The following CAMTA1 variants were observed in gnomAD, a reference collection of about 807,000 sequenced individuals.
CAMTA1 encodes calmodulin binding transcription activator 1.
In CAMTA1, 27 loss-of-function variants were observed where a neutral mutation model predicts 170.9. The observed-to-expected ratio is 0.16, with a 90% confidence interval of 0.12 to 0.22. CAMTA1 has a LOEUF of 0.22. CAMTA1 is among the 10% of genes least tolerant of loss of function. CAMTA1 has a pLI of 1.00. For synonymous variants in CAMTA1, 833 were observed against 891.5 expected (o/e 0.93, Z 1.17); for missense variants, 1,619 against 2,217.2 (o/e 0.73, Z 5.42).
chr1:7,200,083 T>C (rs1656368630), intron 4 of CAMTA1, among the ~76,000 whole-genome samples: 2 of 152,356 alleles, frequency 1.3e-5, no homozygotes, highest in South Asian at 4.1e-4. Flanking sequence ...TTTTAAAACA[T>C]ACAAGTACCA....
intron 4 of CAMTA1, among the ~76,000 whole-genome samples, chr1:7,230,439 C>T (rs963227388): frequency 3.6e-5 from 3 of 83,508 alleles, no homozygotes; most frequent in Admixed American, 1.9e-4. Context: ...CTGACCCCCC[C>T]CCCCCGCCCC....
chr1:7,659,050 C>A (rs2095931163), intron 7 of CAMTA1, among the ~76,000 whole-genome samples: 1 of 152,208 alleles, frequency 6.6e-6, no homozygotes, highest in African/African-American at 2.4e-5. Context: ...CCCAGGCCCC[C>A]TGAGAATAAG....
chr1:7,493,372 C>T (rs1435095922), intron 6 of CAMTA1, among the ~76,000 whole-genome samples: 12 of 77,698 alleles, frequency 1.5e-4, no homozygotes, highest in South Asian at 1.1e-3. Flanking sequence ...AACACACGTG[C>T]GCACACACAA....
At chr1:6,989,704 G>A (rs1190939321) in intron 3 of CAMTA1, among the ~76,000 whole-genome samples, 2 of 152,142 alleles carry the variant, frequency 1.3e-5, no homozygotes, top group Non-Finnish European at 2.9e-5. Context: ...TGGCATGGGG[G>A]TGCTACCTCG....
intron 3 of CAMTA1, among the ~76,000 whole-genome samples, chr1:7,045,295 G>A (rs1705188533): frequency 2.0e-5 from 3 of 152,184 alleles, no homozygotes; most frequent in South Asian, 4.1e-4. Flanking sequence ...CCAGGGATGA[G>A]ACCAACCTCT....
intron 7 of CAMTA1, among the ~76,000 whole-genome samples, chr1:7,650,844 A>T (rs1218231861): frequency 1.3e-5 from 2 of 152,240 alleles, no homozygotes; most frequent in East Asian, 3.8e-4. Flanking sequence ...TGAAAATTTC[A>T]TCCAGTTGAA....
At chr1:7,212,458 T>C (rs952227776) in intron 4 of CAMTA1, among the ~76,000 whole-genome samples, 23 of 151,868 alleles carry the variant, frequency 1.5e-4, no homozygotes, top group Admixed American at 1.5e-3. Context: ...ATGTATACTT[T>C]CTTATTTTCT....
intron 3 of CAMTA1, among the ~76,000 whole-genome samples, chr1:6,947,505 T>C (rs904340593): frequency 6.6e-6 from 1 of 151,810 alleles, no homozygotes; most frequent in Non-Finnish European, 1.5e-5. Flanking sequence ...CTCAGCCTCC[T>C]GAGTAGCTGG....
At chr1:7,348,566 C>T (rs2084401016) in intron 5 of CAMTA1, among the ~76,000 whole-genome samples, 1 of 152,206 alleles carries the variant, frequency 6.6e-6, no homozygotes, top group Non-Finnish European at 1.5e-5. Context: ...CCTACAAAGG[C>T]GACTGCGTGG....
intron 15 of CAMTA1, 49 bp downstream of exon 15, chr1:7,737,619 T>A: frequency 6.6e-7 from 1 of 1,511,262 alleles, no homozygotes; most frequent in Non-Finnish European, 9.0e-7. Context: ...AGATCCCGTT[T>A]GCTTTCATGC....
At chr1:7,337,653 G>A (rs1004629788) in intron 5 of CAMTA1, among the ~76,000 whole-genome samples, 50 of 150,226 alleles carry the variant, frequency 3.3e-4, no homozygotes, top group African/African-American at 5.9e-4. Flanking sequence ...CAATGTGGGC[G>A]GTGGGCCTCA....
At chr1:7,432,374 G>A (rs1343869848) in intron 5 of CAMTA1, among the ~76,000 whole-genome samples, 1 of 152,232 alleles carries the variant, frequency 6.6e-6, no homozygotes, top group Non-Finnish European at 1.5e-5. Flanking sequence ...GTGTCCCAGG[G>A]AGTTCAATCC....
chr1:6,902,398 A>T (rs1677311807), intron 3 of CAMTA1, among the ~76,000 whole-genome samples: 1 of 152,220 alleles, frequency 6.6e-6, no homozygotes, highest in East Asian at 1.9e-4. Context: ...GAACAAAGTG[A>T]CACAACATGG....
At chr1:7,302,919 G>A (rs1468141412) in intron 5 of CAMTA1, among the ~76,000 whole-genome samples, 1 of 152,188 alleles carries the variant, frequency 6.6e-6, no homozygotes, top group East Asian at 1.9e-4. Context: ...AAATTACCAG[G>A]CAATGACAGT....
rs994839837 is a variant in CAMTA1, at chr1:7,435,551, T to C, written c.439-32279T>C. Among the ~76,000 whole-genome samples the C allele has an allele frequency of 6.6e-6, 1 of 152,204 alleles. No individual in the cohort carries two copies. The highest frequency in any genetic ancestry group is 1.5e-5 in the Non-Finnish European group (1 of 68,032). ...CAACCGGCAGTGGGCTCTTCAGGGT[T>C]CTCAGCCTGGTTCACTGTGGTGGCA... On this transcript the variant is annotated intron_variant, in intron 5 of 22. Transcript: ENST00000303635. This position sits in a 1 kb window ranked among gnomAD's most constrained non-coding sequence, Gnocchi z 4.4.
intron 4 of CAMTA1, among the ~76,000 whole-genome samples, chr1:7,156,030 A>G (rs1303651491): frequency 3.3e-5 from 5 of 152,070 alleles, no homozygotes; most frequent in East Asian, 1.9e-4. Context: ...AGATGGGAGG[A>G]TCACCTGAGG....
intron 6 of CAMTA1, among the ~76,000 whole-genome samples, chr1:7,520,228 C>CTT (rs2094345001): frequency 2.8e-4 from 2 of 7,146 alleles, no homozygotes; most frequent in Admixed American, 1.8e-3. Context: ...TCCTCCTCCT[C>CTT]CCTCCTCCTC....
At chr1:7,051,759 GGATTGTATTCATTC>G (rs1250342835) in intron 3 of CAMTA1, among the ~76,000 whole-genome samples, 1 of 139,286 alleles carries the variant, frequency 7.2e-6, no homozygotes, top group Non-Finnish European at 1.6e-5. Flanking sequence ...TGCTCCCTCT[GGATTGTATTCATTC>G]GAATAGGTGG....
chr1:7,106,612 C>A (rs192860810), intron 4 of CAMTA1, among the ~76,000 whole-genome samples: 1 of 151,988 alleles, frequency 6.6e-6, no homozygotes, highest in African/African-American at 2.4e-5. Flanking sequence ...TAATTTTTAA[C>A]CGCCCCCGAG....
Sources: gnomAD v4.1 joint callset for allele counts (sites outside exome capture counted in the v4.1 genomes callset) on GRCh38, gnomAD v4.1.1 for gene constraint, Gnocchi (gnomAD v3.1) non-coding constraint, MANE v1.5 for transcripts, NCBI Gene and HGNC (gene_info 2026-07-23, HGNC 2026-07-21) for gene names.